LVRN: variants seen among roughly 807,000 people sequenced by gnomAD.
The protein encoded by LVRN is laeverin.
A neutral mutation model predicts 111.4 loss-of-function variants in LVRN; 99 were observed. The observed-to-expected ratio is 0.89, with a 90% CI of 0.76 to 1.05. The LOEUF (loss-of-function observed/expected upper bound fraction) is 1.05. Ranked by LOEUF, LVRN falls within the 50% of genes least tolerant of loss-of-function variation. The pLI is 0.00. For missense variants in LVRN, 1,414 were observed against 1,206.8 expected, an observed-to-expected ratio of 1.17 and a Z score of -2.54; for synonymous variants, 488 against 449.5, an observed-to-expected ratio of 1.09 and a Z score of -1.08.
At chr5:115,977,099 A>G (rs184481810) in intron 1 of LVRN, among the ~76,000 whole-genome samples, 8 of 152,160 alleles carry the variant, frequency 5.3e-5, no homozygotes, top group East Asian at 3.9e-4. Flanking sequence ...CCTGGTACTT[A>G]TTCTTTCCCC....
rs1747904182 is a variant in LVRN at position 115,987,883 on chromosome 5, C to T, written c.1049C>T (p.Pro350Leu). 1 of 1,613,278 alleles carries T rather than the reference C, an allele frequency of 6.2e-7. No homozygotes were observed. The highest frequency in any genetic ancestry group is 8.5e-7 in the Non-Finnish European group (1 of 1,179,556). The change falls in exon 4 of 20, where the codon CCC (proline) becomes CTC (leucine). Residue 350 changes from proline (P) to leucine (L), a missense_variant. Physicochemically the swap from Pro to Leu is moderately conservative, Grantham distance 98. Coordinates refer to ENST00000357872, the MANE Select transcript of LVRN (RefSeq NM_173800.5). ...GACTTTGCTTTGAACATCACAGGTCCCATCTTCTCTTTTCTGGAGGATTTG... is the reference window on the plus strand; with the variant it reads ...GACTTTGCTTTGAACATCACAGGTCTCATCTTCTCTTTTCTGGAGGATTTG... ...SADFALNITG[P>L]IFSFLEDLFN...
At chr5:115,985,076 G>A (rs1346592107) in intron 3 of LVRN, among the ~76,000 whole-genome samples, 1 of 152,156 alleles carries the variant, frequency 6.6e-6, no homozygotes, top group Non-Finnish European at 1.5e-5. Context: ...AGGGTTAATG[G>A]TGTCTTGAAG....
intron 1 of LVRN, among the ~76,000 whole-genome samples, chr5:115,966,964 G>C (rs575569923): frequency 6.6e-5 from 10 of 152,090 alleles, no homozygotes; most frequent in African/African-American, 2.4e-4. Context: ...GTCTCTTCAC[G>C]TCTTTTCTTA....
intron 15 of LVRN, 101 bp downstream of exon 15, chr5:116,012,569 A>G (rs943606994): frequency 1.4e-6 from 1 of 705,930 alleles, no homozygotes; most frequent in African/African-American, 1.9e-5. Flanking sequence ...ATTCATTGAG[A>G]GATTTTATAT....
chr5:115,963,919 C>T (rs1416588300), intron 1 of LVRN, among the ~76,000 whole-genome samples: 2 of 152,152 alleles, frequency 1.3e-5, no homozygotes, highest in Non-Finnish European at 2.9e-5. Flanking sequence ...TCCTCTCTAG[C>T]CGGAAATTTC....
chr5:115,972,515 C>T (rs1753348973), intron 1 of LVRN, among the ~76,000 whole-genome samples: 1 of 151,772 alleles, frequency 6.6e-6, no homozygotes, highest in Non-Finnish European at 1.5e-5. Flanking sequence ...AAATTCTCTA[C>T]ATAGGTTGTC....
At chr5:115,968,220 A>G (rs140893087) in intron 1 of LVRN, among the ~76,000 whole-genome samples, 1 of 152,056 alleles carries the variant, frequency 6.6e-6, no homozygotes, top group African/African-American at 2.4e-5. Flanking sequence ...TATTAAATGT[A>G]GGTTTCTGTA....
rs181038509 is a variant in LVRN, at chr5:115,967,330, G to A, written c.695+4018G>A. ...TGATTTTTTAAGATGTTATGTTTAG[G>A]TTGAGGTTAATTCTTTTGCCTATGG... On this transcript the variant is annotated intron_variant, in intron 1 of 19. Coordinates refer to ENST00000357872, the MANE Select transcript of LVRN (RefSeq NM_173800.5). Among the ~76,000 whole-genome samples, 68 of 152,268 alleles carry A rather than the reference G, an allele frequency of 4.5e-4. No homozygotes were observed. In the East Asian group the frequency reaches 0.011, roughly 25 times the overall value.
At chr5:115,968,321 C>T (rs191919103) in intron 1 of LVRN, among the ~76,000 whole-genome samples, 3 of 152,162 alleles carry the variant, frequency 2.0e-5, no homozygotes, top group African/African-American at 7.2e-5. Flanking sequence ...ATTTTTCTAA[C>T]ACTTTTTCTG....
intron 1 of LVRN, among the ~76,000 whole-genome samples, chr5:115,969,081 C>G (rs1753264617): frequency 6.6e-6 from 1 of 152,202 alleles, no homozygotes; most frequent in Non-Finnish European, 1.5e-5. Context: ...CTTCTCCTTT[C>G]AAGAGGTCTC....
chr5:116,004,093 A>G (rs780304088), intron 12 of LVRN, among the ~76,000 whole-genome samples: 2 of 152,202 alleles, frequency 1.3e-5, no homozygotes, highest in African/African-American at 2.4e-5. Flanking sequence ...TATACTTAAA[A>G]TTTCTAAACT....
At chr5:115,999,273 G>A (rs575003361) in intron 6 of LVRN, among the ~76,000 whole-genome samples, 24 of 152,262 alleles carry the variant, frequency 1.6e-4, no homozygotes, top group Middle Eastern at 6.8e-3. Flanking sequence ...GCCATAAACT[G>A]TAATATCCAT....
rs1748878081 is a variant in LVRN, at chr5:116,026,865, T to C, written c.*747T>C. The C allele has an allele frequency of 6.6e-6, 1 of 152,306 alleles. No homozygotes were observed. Among genetic ancestry groups the C allele is most frequent in the African/African-American group, 2.4e-5 (1 of 41,444 alleles). The allele number at this position is 152,306 out of a possible 1,614,324, so 9.4% of individuals were successfully genotyped here. A position where few individuals can be genotyped will look rare whatever the true frequency, so the allele number is the denominator to read the frequency against. Reference sequence around the variant, plus strand: ...GAAGGCTCTGCTCTGAAGCTCTTAATTGTGTATTCACCAGTGGGATGGACA... The same window carrying C: ...GAAGGCTCTGCTCTGAAGCTCTTAACTGTGTATTCACCAGTGGGATGGACA... On this transcript the variant is annotated 3_prime_UTR_variant, in exon 20 of 20. Transcript: ENST00000357872.
intron 1 of LVRN, among the ~76,000 whole-genome samples, chr5:115,969,647 A>G (rs530113883): frequency 6.6e-6 from 1 of 152,066 alleles, no homozygotes; most frequent in South Asian, 2.1e-4. Context: ...AATACGAAAA[A>G]AAATTATCCA....
intron 12 of LVRN, 125 bp downstream of exon 12, chr5:116,003,505 C>A: frequency 3.8e-6 from 2 of 522,578 alleles, no homozygotes; most frequent in Non-Finnish European, 6.1e-6. Flanking sequence ...TCCAGGCATG[C>A]AAAAGATTTT....
chr5:115,979,573 A>G (rs1753520132), intron 1 of LVRN, among the ~76,000 whole-genome samples: 1 of 152,120 alleles, frequency 6.6e-6, no homozygotes, highest in South Asian at 2.1e-4. Flanking sequence ...TATTTTGAAA[A>G]TCTTCATAAC....
chr5:115,990,253 T>A (rs778881134), intron 4 of LVRN, among the ~76,000 whole-genome samples: 3 of 152,320 alleles, frequency 2.0e-5, no homozygotes, highest in Non-Finnish European at 4.4e-5. Context: ...ATTGACACTT[T>A]CCCTGTAGGC....
intron 1 of LVRN, among the ~76,000 whole-genome samples, chr5:115,966,195 C>T (rs1039017648): frequency 1.3e-5 from 2 of 152,160 alleles, no homozygotes; most frequent in South Asian, 4.1e-4. Context: ...AGATCATTCC[C>T]ATACTTCTCC....
intron 14 of LVRN, 117 bp downstream of exon 14, chr5:116,011,011 ATATAT>A: frequency 4.4e-6 from 1 of 225,490 alleles, no homozygotes; most frequent in Non-Finnish European, 7.4e-6. Flanking sequence ...TTCCATATAT[ATATAT>A]ATATATATAT....
Sources: allele counts gnomAD v4.1 joint callset (sites outside exome capture counted in the v4.1 genomes callset), GRCh38; gene constraint gnomAD v4.1.1; transcripts MANE v1.5; gene names NCBI Gene and HGNC (gene_info 2026-07-23, HGNC 2026-07-21).